The following MAP3K4 variants were observed in gnomAD, a reference collection of about 807,000 sequenced individuals.
MAP3K4 encodes MAP three kinase 1.
In MAP3K4, 67 loss-of-function variants were observed where a neutral mutation model predicts 185.6. The observed-to-expected ratio is 0.36, with a 90% CI of 0.30 to 0.44. The LOEUF (loss-of-function observed/expected upper bound fraction) is 0.44. MAP3K4 is among the 20% of genes least tolerant of loss of function. MAP3K4 has a pLI of 1.00. For missense variants in MAP3K4, 1,551 were observed against 1,995.1 expected, an observed-to-expected ratio of 0.78 and a Z score of 4.24; for synonymous variants, 702 against 710.4, an observed-to-expected ratio of 0.99 and a Z score of 0.19.
At chr6:161,060,332 A>T (rs1170747206) in intron 3 of MAP3K4, among the ~76,000 whole-genome samples, 2 of 152,114 alleles carry the variant, frequency 1.3e-5, no homozygotes, top group Non-Finnish European at 2.9e-5. Context: ...TAAAATAATG[A>T]TGTGGTTTAT....
In MAP3K4 at chr6:161,084,332, T is replaced by A. The variant is rs974704229; in HGVS notation, c.2256-169T>A. On this transcript the variant is annotated intron_variant, in intron 6 of 26. Coordinates refer to ENST00000392142, the MANE Select transcript of MAP3K4 (RefSeq NM_005922.4). The surrounding 1 kb of genome is among the most constrained non-coding windows in gnomAD (Gnocchi z 4.6). ...GGTAGGTACATGTCATAATCCAGAT[T>A]CCTATTTTTCCACGTCCAGGGTTTT... Among the ~76,000 whole-genome samples the A allele has an allele frequency of 1.3e-5, 2 of 152,218 alleles. No individual in the cohort carries two copies. Among genetic ancestry groups the A allele is most frequent in the African/African-American group, 4.8e-5 (2 of 41,464 alleles).
At position 161,007,415 on chromosome 6, in the gene MAP3K4, CATG is replaced by C. The variant is rs887169600; in HGVS notation, c.152+15333_152+15335del. ...GGGCTAATTTTACAATATGCAAGGACATGGTGGTCCTTTGAGGTTAGCCATTTC... is the reference window on the plus strand; with the variant it reads ...GGGCTAATTTTACAATATGCAAGGACGTGGTCCTTTGAGGTTAGCCATTTC... On this transcript the variant is annotated intron_variant, in intron 1 of 26. Coordinates refer to ENST00000392142, the MANE Select transcript of MAP3K4 (RefSeq NM_005922.4). The surrounding 1 kb of genome is among the most constrained non-coding windows in gnomAD (Gnocchi z 4.5). Among the ~76,000 whole-genome samples the C allele has an allele frequency of 1.8e-4, 28 of 152,282 alleles. No homozygotes were observed. Among genetic ancestry groups the C allele is most frequent in the African/African-American group, 6.7e-4 (28 of 41,546 alleles).
chr6:161,117,003 T>A lies in MAP3K4; in HGVS notation c.*133T>A. 5.1e-6 allele frequency: 4 copies of A among 783,364 alleles called. No individual in the cohort carries two copies. In the Admixed American group the frequency reaches 9.4e-5, roughly 18 times the overall value. 48.5% of individuals were successfully genotyped at this position (783,364 alleles called of 1,614,324 possible). Reference sequence around the variant, plus strand: ...CTGAAGACTGCACAGGTGACAAGCGTCACTTCTCCTGCTGCTCCTGTTTGT... The same window carrying A: ...CTGAAGACTGCACAGGTGACAAGCGACACTTCTCCTGCTGCTCCTGTTTGT... On this transcript the variant is annotated 3_prime_UTR_variant, in exon 27 of 27. Coordinates refer to ENST00000392142, the MANE Select transcript of MAP3K4 (RefSeq NM_005922.4).
chr6:161,041,642 C>T (rs1783457394), intron 2 of MAP3K4, among the ~76,000 whole-genome samples: 1 of 152,182 alleles, frequency 6.6e-6, no homozygotes, highest in African/African-American at 2.4e-5. Context: ...CCTGATGCCT[C>T]GGACATGGCC....
intron 1 of MAP3K4, among the ~76,000 whole-genome samples, chr6:161,025,609 T>C (rs1167903557): frequency 6.6e-6 from 1 of 152,222 alleles, no homozygotes; most frequent in Non-Finnish European, 1.5e-5. Flanking sequence ...AGCTCATCTG[T>C]CCCCTACAGA....
At chr6:161,033,284 A>G (rs1033184353) in intron 1 of MAP3K4, among the ~76,000 whole-genome samples, 3 of 152,208 alleles carry the variant, frequency 2.0e-5, no homozygotes, top group African/African-American at 7.2e-5. Flanking sequence ...CTGTGATGGT[A>G]CATATTTGGA....
intron 2 of MAP3K4, among the ~76,000 whole-genome samples, chr6:161,039,248 T>G (rs1783324476): frequency 7.1e-6 from 1 of 140,582 alleles, no homozygotes; most frequent in Non-Finnish European, 1.5e-5. Flanking sequence ...ATACTGTCTT[T>G]GCTTCCCCTA....
In MAP3K4 at chr6:161,084,441, AT is replaced by A; in HGVS notation, c.2256-58del. On this transcript the variant is annotated intron_variant, in intron 6 of 26. Transcript: ENST00000392142. This position sits in a 1 kb window ranked among gnomAD's most constrained non-coding sequence, Gnocchi z 4.6. ...AGCCTTTCAAGTTTCTCAGTCAAGAATTAGGCTATGAGTAGGGACAGTTTTC... is the reference window on the plus strand; with the variant it reads ...AGCCTTTCAAGTTTCTCAGTCAAGAATAGGCTATGAGTAGGGACAGTTTTC... The A allele has an allele frequency of 1.2e-6, 1 of 827,132 alleles. No individual in the cohort carries two copies. The highest frequency in any genetic ancestry group is 1.8e-5 in the Admixed American group (1 of 56,834). The allele number at this position is 827,132 out of a possible 1,614,324, so 51.2% of individuals were successfully genotyped here.
At position 161,080,827 on chromosome 6, in the gene MAP3K4, C is replaced by A; in HGVS notation, c.2098-54C>A. ...GATGTGTAGCTTTCAGGTGAGAGCG[C>A]TGAGTTGCCAAGTTCTACTTTCAAA... On this transcript the variant is annotated intron_variant, in intron 5 of 26. Coordinates refer to ENST00000392142, the MANE Select transcript of MAP3K4 (RefSeq NM_005922.4). This position sits in a 1 kb window ranked among gnomAD's most constrained non-coding sequence, Gnocchi z 4.8. 1 of 1,547,780 alleles carries A rather than the reference C, an allele frequency of 6.5e-7. No individual in the cohort carries two copies. The highest frequency in any genetic ancestry group is 8.9e-7 in the Non-Finnish European group (1 of 1,129,286).
chr6:161,094,006 A>G (rs9458119), intron 15 of MAP3K4, among the ~76,000 whole-genome samples, 155 bp downstream of exon 15: 6,478 of 151,646 alleles, frequency 0.043, 384 homozygotes, highest in African/African-American at 0.13. Flanking sequence ...GTGTAGATAG[A>G]GAACTCCGCA....
At position 161,087,989 on chromosome 6, in the gene MAP3K4, T is replaced by C. The variant is rs374985389; in HGVS notation, c.2823+35T>C. 4 of 1,580,192 alleles carry C rather than the reference T, an allele frequency of 2.5e-6. No individual in the cohort carries two copies. The highest frequency in any genetic ancestry group is 3.4e-6 in the Non-Finnish European group (4 of 1,167,448). ...ATCTCCATCTTTGCAGCAGTGTTAC[T>C]TCAAGGACTTTTAGTAAGAATGAAC... On this transcript the variant is annotated intron_variant, in intron 10 of 26. Coordinates refer to ENST00000392142, the MANE Select transcript of MAP3K4 (RefSeq NM_005922.4). The surrounding 1 kb of genome is among the most constrained non-coding windows in gnomAD (Gnocchi z 4.9).
chr6:161,046,106 G>A (rs184697889), intron 2 of MAP3K4, among the ~76,000 whole-genome samples: 153 of 152,166 alleles, frequency 1.0e-3, no homozygotes, highest in Non-Finnish European at 1.3e-3. Context: ...GTCAAATTCA[G>A]TGTATTAGAA....
chr6:161,095,607 G>A (rs905530980), intron 15 of MAP3K4, among the ~76,000 whole-genome samples: 3 of 152,106 alleles, frequency 2.0e-5, no homozygotes, highest in Non-Finnish European at 4.4e-5. Context: ...AGGGTGGTTC[G>A]TTTACAATTG....
At chr6:161,002,312 C>G (rs1304969245) in intron 1 of MAP3K4, among the ~76,000 whole-genome samples, 2 of 151,956 alleles carry the variant, frequency 1.3e-5, no homozygotes, top group African/African-American at 2.4e-5. Context: ...ATTTTCTTTT[C>G]ATTTTTTAAA....
intron 2 of MAP3K4, among the ~76,000 whole-genome samples, chr6:161,047,849 G>C (rs1447335161): frequency 6.6e-6 from 1 of 152,166 alleles, no homozygotes; most frequent in Non-Finnish European, 1.5e-5. Context: ...TCAGATTATA[G>C]AACCTCTTCT....
rs1214396215 is a variant in MAP3K4, at chr6:161,114,003, G to A, written c.4627-1120G>A. 6.6e-6 allele frequency among the ~76,000 whole-genome samples: 1 copy of A among 151,744 alleles called. No individual in the cohort carries two copies. Among genetic ancestry groups the A allele is most frequent in the East Asian group, 1.9e-4 (1 of 5,168 alleles). On this transcript the variant is annotated intron_variant, in intron 25 of 26. Coordinates refer to ENST00000392142, the MANE Select transcript of MAP3K4 (RefSeq NM_005922.4). This position sits in a 1 kb window ranked among gnomAD's most constrained non-coding sequence, Gnocchi z 4.3. ...GTAGAGACAGGGTTTCACTGTGTTG[G>A]CCAGGCTGGTCTCGAACTCCTGACC...
intron 1 of MAP3K4, among the ~76,000 whole-genome samples, chr6:161,004,798 C>CAT (rs1781495175): frequency 6.6e-6 from 1 of 152,138 alleles, no homozygotes; most frequent in African/African-American, 2.4e-5. Flanking sequence ...TAATCAAGGA[C>CAT]ATAATAAGTT....
chr6:161,003,898 C>T (rs1275461099), intron 1 of MAP3K4, among the ~76,000 whole-genome samples: 2 of 149,886 alleles, frequency 1.3e-5, no homozygotes, highest in African/African-American at 4.9e-5. Context: ...AGTGGCTATT[C>T]CATTTTTATA....
rs1322657287 is a variant in MAP3K4, at chr6:161,101,269, C to T, written c.3675-623C>T. ...TCTTTAATATATTAAGCTTCCTGCT[C>T]TTTTGCACTTTTGCTTGGCTACTGC... On this transcript the variant is annotated intron_variant, in intron 17 of 26. Coordinates refer to ENST00000392142, the MANE Select transcript of MAP3K4 (RefSeq NM_005922.4). This position sits in a 1 kb window ranked among gnomAD's most constrained non-coding sequence, Gnocchi z 5.1. 1 of 152,132 alleles carries T rather than the reference C, an allele frequency of 6.6e-6. No individual in the cohort carries two copies. The highest frequency in any genetic ancestry group is 6.5e-5 in the Admixed American group (1 of 15,278). 9.4% of individuals were successfully genotyped at this position (152,132 alleles called of 1,614,324 possible). A position where few individuals can be genotyped will look rare whatever the true frequency, so the allele number is the denominator to read the frequency against.
Sources: allele counts gnomAD v4.1 joint callset (sites outside exome capture counted in the v4.1 genomes callset), GRCh38; gene constraint gnomAD v4.1.1; non-coding constraint Gnocchi (gnomAD v3.1); transcripts MANE v1.5; gene names NCBI Gene and HGNC (gene_info 2026-07-23, HGNC 2026-07-21).